GRIP1: variants seen among roughly 807,000 people sequenced by gnomAD.
GRIP1 encodes glutamate receptor-interacting protein 1.
Under a neutral mutation model 129.9 loss-of-function variants are expected in GRIP1, and 45 were observed. That is an observed-to-expected ratio of 0.35 (90% CI 0.27 to 0.44). GRIP1 has a LOEUF of 0.44. Ranked by LOEUF, GRIP1 falls within the 20% of genes least tolerant of loss-of-function variation. GRIP1 has a pLI of 1.00. For missense variants in GRIP1, 1,196 were observed against 1,396.8 expected (o/e 0.86, Z 2.29); for synonymous variants, 530 against 520.8 (o/e 1.02, Z -0.24).
intron 1 of GRIP1, among the ~76,000 whole-genome samples, chr12:66,942,360 T>C (rs1017903570): frequency 3.3e-5 from 5 of 152,166 alleles, no homozygotes; most frequent in Non-Finnish European, 7.3e-5. Context: ...TTCACAAAAC[T>C]ACATTTGTGT....
At chr12:66,785,439 G>T (rs1004623851) in intron 1 of GRIP1, among the ~76,000 whole-genome samples, 3 of 150,114 alleles carry the variant, frequency 2.0e-5, no homozygotes, top group Non-Finnish European at 4.4e-5. Context: ...TTCAGCCTGG[G>T]GGATGGAAGC....
intron 1 of GRIP1, among the ~76,000 whole-genome samples, chr12:66,974,370 C>T (rs2042121933): frequency 6.6e-6 from 1 of 152,176 alleles, no homozygotes; most frequent in Admixed American, 6.5e-5. Context: ...CGATAACAGA[C>T]TTATTTATCT....
At position 66,687,517 on chromosome 12, in the gene GRIP1, G is replaced by A. The variant is rs541447751; in HGVS notation, c.-419-57181C>T. 3.6e-4 allele frequency among the ~76,000 whole-genome samples: 55 copies of A among 152,048 alleles called. 1 individual carries two copies. Among genetic ancestry groups the A allele is most frequent in the Non-Finnish European group, 6.0e-4 (41 of 67,986 alleles). ...ACCCCCTATGCCAGCCACCATGATG[G>A]GCCCTGGATGTAAAAAGGTGAAAAA... On this transcript the variant is annotated intron_variant, in intron 1 of 4. Coordinates refer to the GRIP1 transcript ENST00000538373.
chr12:66,931,793 C>G (rs2041400308), intron 1 of GRIP1, among the ~76,000 whole-genome samples: 1 of 152,126 alleles, frequency 6.6e-6, no homozygotes, highest in South Asian at 2.1e-4. Context: ...TTAACACTAT[C>G]CAAAAATGTC....
intron 1 of GRIP1, among the ~76,000 whole-genome samples, chr12:66,710,358 T>C (rs966609515): frequency 6.6e-6 from 1 of 152,060 alleles, no homozygotes; most frequent in African/African-American, 2.4e-5. Context: ...AGCTTCATTG[T>C]CTAAACCATT....
At chr12:66,943,978 C>T (rs2041628028) in intron 1 of GRIP1, among the ~76,000 whole-genome samples, 1 of 152,152 alleles carries the variant, frequency 6.6e-6, no homozygotes, top group Non-Finnish European at 1.5e-5. Context: ...AATCTATCAT[C>T]TCTAATCTTT....
At chr12:66,813,919 G>C (rs1385984516) in intron 1 of GRIP1, among the ~76,000 whole-genome samples, 1 of 152,128 alleles carries the variant, frequency 6.6e-6, no homozygotes, top group Non-Finnish European at 1.5e-5. Context: ...TATGGAAAAT[G>C]GGCAAGAGTG....
chr12:66,373,367 G>A (rs946736488), intron 22 of GRIP1, among the ~76,000 whole-genome samples: 1 of 152,184 alleles, frequency 6.6e-6, no homozygotes, highest in South Asian at 2.1e-4. Flanking sequence ...GGGATTACAG[G>A]TGTAAGTCAC....
At chr12:66,883,320 T>C (rs1212663538) in intron 1 of GRIP1, among the ~76,000 whole-genome samples, 1 of 152,152 alleles carries the variant, frequency 6.6e-6, no homozygotes, top group East Asian at 1.9e-4. Context: ...AGATTATAAA[T>C]TATTTGAGGG....
At chr12:67,068,868 C>A (rs1437620317) in intron 1 of GRIP1, among the ~76,000 whole-genome samples, 6 of 94,312 alleles carry the variant, frequency 6.4e-5, no homozygotes, top group East Asian at 4.0e-4. Flanking sequence ...CCCCCCCCCC[C>A]GCAAAAAAAA....
chr12:66,678,806 A>G (rs1332487359), intron 1 of GRIP1, 44 bp downstream of exon 1: 1 of 1,557,102 alleles, frequency 6.4e-7, no homozygotes, highest in Middle Eastern at 1.7e-4. Context: ...TTTATAGGAT[A>G]CTGCAACAGA....
chr12:66,483,357 G>A (rs1405102421), intron 7 of GRIP1, among the ~76,000 whole-genome samples: 2 of 151,830 alleles, frequency 1.3e-5, no homozygotes, highest in African/African-American at 2.4e-5. Context: ...GAAATAAAGT[G>A]CTTGGGAAAG....
chr12:66,509,489 A>C (rs758667685), intron 7 of GRIP1, among the ~76,000 whole-genome samples: 1 of 152,202 alleles, frequency 6.6e-6, no homozygotes, highest in South Asian at 2.1e-4. Context: ...ATTTTACTAC[A>C]GTCATTGCTT....
chr12:66,866,044 C>G (rs747560071), intron 1 of GRIP1, among the ~76,000 whole-genome samples: 30 of 152,276 alleles, frequency 2.0e-4, no homozygotes, highest in Non-Finnish European at 2.9e-4. Context: ...TTCTGGACCA[C>G]CCAACCCATG....
intron 23 of GRIP1, among the ~76,000 whole-genome samples, chr12:66,363,890 C>T (rs1435156901): frequency 6.6e-6 from 1 of 152,046 alleles, no homozygotes; most frequent in Non-Finnish European, 1.5e-5. Context: ...GAATAAGTTC[C>T]GGTGATCCAC....
intron 13 of GRIP1, among the ~76,000 whole-genome samples, chr12:66,437,569 A>C (rs928385485): frequency 2.6e-5 from 4 of 152,256 alleles, no homozygotes; most frequent in African/African-American, 7.2e-5. Flanking sequence ...GGTACTGAAC[A>C]AAGTGGGTTT....
In GRIP1 at chr12:66,444,212, C is replaced by T. The variant is rs535174344; in HGVS notation, c.1687+372G>A. 9.2e-5 allele frequency among the ~76,000 whole-genome samples: 14 copies of T among 152,240 alleles called. No individual in the cohort carries two copies. The South Asian group carries it at 1.7e-3, about 18-fold the overall frequency. ...ATAAAATAGTTTCCTCTTGGCCGGG[C>T]GCGGTGGCTCACGCCTGTAATCCCA... On this transcript the variant is annotated intron_variant, in intron 13 of 24. Transcript: ENST00000359742.
chr12:66,787,180 C>A (rs78436056), intron 1 of GRIP1, among the ~76,000 whole-genome samples: 1 of 152,144 alleles, frequency 6.6e-6, no homozygotes, highest in African/African-American at 2.4e-5. Context: ...AGTAATAAGG[C>A]TTTGTTTTCA....
intron 1 of GRIP1, among the ~76,000 whole-genome samples, chr12:66,707,547 G>C (rs2035575970): frequency 6.7e-6 from 1 of 149,616 alleles, no homozygotes; most frequent in Admixed American, 6.7e-5. Flanking sequence ...AACCTGTGCT[G>C]GGCTATTTAG....
Sources: allele counts gnomAD v4.1 joint callset (sites outside exome capture counted in the v4.1 genomes callset), GRCh38; gene constraint gnomAD v4.1.1; transcripts MANE v1.5; gene names NCBI Gene and HGNC (gene_info 2026-07-23, HGNC 2026-07-21).